Variants in ZFPM2 observed in about 807,000 individuals in gnomAD.
ZFPM2 encodes zinc finger protein ZFPM2.
A neutral mutation model predicts 98.6 loss-of-function variants in ZFPM2; 20 were observed. The ratio of observed to expected loss-of-function variants is 0.20; its 90% confidence interval spans 0.14 to 0.29. The LOEUF is 0.29. Ranked by LOEUF, ZFPM2 falls within the 10% of genes least tolerant of loss-of-function variation. The probability of loss-of-function intolerance (pLI) is 1.00; values close to 1 mark genes in which losing one functional copy is unlikely to be tolerated. For missense variants in ZFPM2, 1,310 were observed against 1,388.6 expected, an observed-to-expected ratio of 0.94 and a Z score of 0.90; for synonymous variants, 518 against 502.7, an observed-to-expected ratio of 1.03 and a Z score of -0.41.
intron 3 of ZFPM2, among the ~76,000 whole-genome samples, chr8:105,478,753 C>T (rs1427128240): frequency 6.6e-6 from 1 of 152,200 alleles, no homozygotes; most frequent in Non-Finnish European, 1.5e-5. Context: ...TAAACTGTCT[C>T]TGGTCATTCT....
At chr8:105,470,513 A>G in intron 3 of ZFPM2, among the ~76,000 whole-genome samples, 1 of 152,174 alleles carries the variant, frequency 6.6e-6, no homozygotes, top group East Asian at 1.9e-4. Context: ...ATAAATGTAA[A>G]GAGTTTTTAT....
chr8:105,639,871 C>G (rs1816918443), intron 5 of ZFPM2, among the ~76,000 whole-genome samples: 1 of 151,908 alleles, frequency 6.6e-6, no homozygotes, highest in Non-Finnish European at 1.5e-5. Context: ...GAATTAGAGA[C>G]CTGAAGCCTG....
At chr8:105,489,578 C>T (rs1468962479) in intron 3 of ZFPM2, among the ~76,000 whole-genome samples, 8 of 150,696 alleles carry the variant, frequency 5.3e-5, no homozygotes, top group East Asian at 2.0e-4. Flanking sequence ...ACTGTCCTGC[C>T]TCAGCCTCCC....
intron 5 of ZFPM2, among the ~76,000 whole-genome samples, chr8:105,651,078 G>A (rs1817162636): frequency 6.6e-6 from 1 of 152,088 alleles, no homozygotes; most frequent in Non-Finnish European, 1.5e-5. Context: ...TTTTCATTAT[G>A]TGGGGCTTGA....
intron 2 of ZFPM2, among the ~76,000 whole-genome samples, chr8:105,439,200 ACTTCT>A (rs1306118619): frequency 2.0e-5 from 3 of 152,158 alleles, no homozygotes; most frequent in Non-Finnish European, 4.4e-5. Flanking sequence ...ATATAAAATA[ACTTCT>A]CTAAGTGGTT....
intron 3 of ZFPM2, among the ~76,000 whole-genome samples, chr8:105,499,581 G>A (rs1341146436): frequency 1.3e-5 from 2 of 152,126 alleles, no homozygotes; most frequent in African/African-American, 4.8e-5. Flanking sequence ...AAGGAGAGAA[G>A]ATTCCATGGT....
chr8:105,624,640 A>G (rs1416366948), intron 4 of ZFPM2, among the ~76,000 whole-genome samples: 1 of 152,166 alleles, frequency 6.6e-6, no homozygotes, highest in Non-Finnish European at 1.5e-5. Flanking sequence ...ATATCATGAA[A>G]TGATATTTGG....
chr8:105,660,590 T>C (rs1817369269), intron 5 of ZFPM2, among the ~76,000 whole-genome samples: 1 of 152,248 alleles, frequency 6.6e-6, no homozygotes, highest in Non-Finnish European at 1.5e-5. Flanking sequence ...AATGTGCGTA[T>C]ATGAATATCT....
At chr8:105,784,431 C>T (rs1813353072) in intron 5 of ZFPM2, among the ~76,000 whole-genome samples, 1 of 145,788 alleles carries the variant, frequency 6.9e-6, no homozygotes, top group African/African-American at 2.8e-5. Context: ...TCATTGAATT[C>T]ATAGGTGTGC....
At chr8:105,689,864 G>C (rs1236188369) in intron 5 of ZFPM2, among the ~76,000 whole-genome samples, 1 of 152,206 alleles carries the variant, frequency 6.6e-6, no homozygotes, top group African/African-American at 2.4e-5. Flanking sequence ...TTGCTGCAGA[G>C]TTAGAAGGAT....
intron 5 of ZFPM2, among the ~76,000 whole-genome samples, chr8:105,661,784 A>G (rs1221000683): frequency 2.6e-5 from 4 of 152,154 alleles, no homozygotes; most frequent in Non-Finnish European, 5.9e-5. Context: ...CTTTGAGGCA[A>G]GGTTTCAAGC....
intron 3 of ZFPM2, among the ~76,000 whole-genome samples, chr8:105,492,780 CTTCTG>C (rs1309159188): frequency 2.0e-5 from 3 of 152,104 alleles, no homozygotes; most frequent in Non-Finnish European, 4.4e-5. Flanking sequence ...AGATGCAAAA[CTTCTG>C]TTCTGATTTT....
intron 5 of ZFPM2, among the ~76,000 whole-genome samples, chr8:105,645,256 A>G (rs1344150110): frequency 2.0e-5 from 3 of 152,204 alleles, no homozygotes; most frequent in East Asian, 1.9e-4. Flanking sequence ...CTAAAACTTT[A>G]TTATTTAACT....
In ZFPM2 at chr8:105,750,414, T is replaced by G. The variant is rs538758006; in HGVS notation, c.533-38304T>G. The stretch of plus-strand genomic sequence containing the variant: ...TAAAAAATCCTTTACAAACTGCTAC[T>G]AAAGGGTTTTTAAAACATTTTATAA... On this transcript the variant is annotated intron_variant, in intron 5 of 7. Transcript: ENST00000407775. 5.3e-5 allele frequency among the ~76,000 whole-genome samples: 8 copies of G among 152,226 alleles called. No individual in the cohort carries two copies. The South Asian group carries it at 1.7e-3, about 32-fold the overall frequency.
intron 5 of ZFPM2, among the ~76,000 whole-genome samples, chr8:105,674,903 C>T (rs138472864): frequency 3.3e-5 from 5 of 152,168 alleles, no homozygotes; most frequent in African/African-American, 1.2e-4. Flanking sequence ...TAGATCTAGG[C>T]ACCAGAAAGG....
chr8:105,419,390 C>T (rs1428919915), intron 2 of ZFPM2, 88 bp downstream of exon 2: 1 of 1,455,340 alleles, frequency 6.9e-7, no homozygotes, highest in Non-Finnish European at 9.3e-7. Context: ...CCTCAGAGTG[C>T]TGACACATAA....
chr8:105,682,771 G>T (rs1476208251), intron 5 of ZFPM2, among the ~76,000 whole-genome samples: 1 of 152,198 alleles, frequency 6.6e-6, no homozygotes, highest in Non-Finnish European at 1.5e-5. Flanking sequence ...GTTTTGGAGA[G>T]CATCTAGCCA....
intron 5 of ZFPM2, among the ~76,000 whole-genome samples, chr8:105,681,058 A>G (rs1396651506): frequency 6.6e-6 from 1 of 152,242 alleles, no homozygotes; most frequent in Admixed American, 6.5e-5. Flanking sequence ...GTGTGAAAAT[A>G]TAATTTGCAC....
intron 4 of ZFPM2, among the ~76,000 whole-genome samples, chr8:105,598,101 T>C (rs1375097278): frequency 3.3e-5 from 5 of 150,280 alleles, no homozygotes; most frequent in Non-Finnish European, 7.4e-5. Flanking sequence ...AATAGCTGTG[T>C]TATTCTGCAG....
Sources: allele counts gnomAD v4.1 joint callset (sites outside exome capture counted in the v4.1 genomes callset), GRCh38; gene constraint gnomAD v4.1.1; transcripts MANE v1.5; gene names NCBI Gene and HGNC (gene_info 2026-07-23, HGNC 2026-07-21).